The following ANKRD55 variants were observed in gnomAD, a reference collection of about 807,000 sequenced individuals.
The protein encoded by ANKRD55 is ankyrin repeat domain-containing protein 55.
A neutral mutation model predicts 60.6 loss-of-function variants in ANKRD55; 41 were observed. That is an observed-to-expected ratio of 0.68 (90% confidence interval 0.53 to 0.88). The LOEUF (loss-of-function observed/expected upper bound fraction) is 0.88. Ranked by LOEUF, ANKRD55 falls within the 40% of genes least tolerant of loss-of-function variation. The pLI is 0.00. For synonymous variants in ANKRD55, 264 were observed against 290.3 expected (o/e 0.91, Z 0.92); for missense variants, 732 against 767.6 (o/e 0.95, Z 0.55).
intron 7 of ANKRD55, among the ~76,000 whole-genome samples, chr5:56,137,925 C>A (rs1757652211): frequency 1.3e-5 from 2 of 152,064 alleles, no homozygotes. Context: ...TGAAAAGATG[C>A]ACCACATCAT....
At position 56,192,787 on chromosome 5, in the gene ANKRD55, T is replaced by C. The variant is rs1174813163; in HGVS notation, c.59-9153A>G. ...GTAAAGATGAGAACACAGACATCGC[T>C]GAAAACCTCTATTAGCAAGTTAAAA... On this transcript the variant is annotated intron_variant, in intron 2 of 11. Coordinates refer to ENST00000341048, the MANE Select transcript of ANKRD55 (RefSeq NM_024669.3). The C allele has an allele frequency of 3.9e-5, 37 of 960,130 alleles. No homozygotes were observed. In the Middle Eastern group the frequency reaches 9.3e-4, roughly 24 times the overall value. The allele number at this position is 960,130 out of a possible 1,614,324, so 59.5% of individuals were successfully genotyped here.
chr5:56,166,219 T>C lies in ANKRD55; in HGVS notation c.422+4475A>G, dbSNP rs150143063. On this transcript the variant is annotated intron_variant, in intron 5 of 11. Transcript: ENST00000341048. ...CTTCCTTCTCTCTCTCTCTCTCTCT[T>C]TCTTTCTTTCTTTCTCTCTATCTTT... Among the ~76,000 whole-genome samples the C allele has an allele frequency of 4.6e-3, 504 of 109,546 alleles. 5 individuals carry two copies. The highest frequency in any genetic ancestry group is 0.022 in the South Asian group (78 of 3,546). The allele number at this position is 109,546 out of a possible 152,430, so 71.9% of individuals were successfully genotyped here.
chr5:56,158,841 G>A (rs917181538), intron 6 of ANKRD55, among the ~76,000 whole-genome samples: 4 of 151,946 alleles, frequency 2.6e-5, no homozygotes, highest in East Asian at 1.9e-4. Flanking sequence ...CTATAGGCAT[G>A]TGCCACCACA....
chr5:56,126,726 G>T (rs761088374), intron 8 of ANKRD55, among the ~76,000 whole-genome samples, 196 bp downstream of exon 8: 1 of 152,112 alleles, frequency 6.6e-6, no homozygotes, highest in Non-Finnish European at 1.5e-5. Flanking sequence ...CTGTACAGTC[G>T]CAGTCTTCCT....
At chr5:56,103,775 G>C (rs1264170725) in intron 10 of ANKRD55, among the ~76,000 whole-genome samples, 1 of 152,176 alleles carries the variant, frequency 6.6e-6, no homozygotes, top group Non-Finnish European at 1.5e-5. Flanking sequence ...GAAAGAACCA[G>C]AATTGCTATA....
At chr5:56,228,053 C>T (rs1372612976) in intron 2 of ANKRD55, among the ~76,000 whole-genome samples, 1 of 152,184 alleles carries the variant, frequency 6.6e-6, no homozygotes, top group Admixed American at 6.5e-5. Flanking sequence ...GATCTGACCT[C>T]TTCTCACTCC....
intron 6 of ANKRD55, among the ~76,000 whole-genome samples, chr5:56,151,337 T>C (rs923449305): frequency 1.3e-5 from 2 of 152,198 alleles, no homozygotes; most frequent in Non-Finnish European, 2.9e-5. Flanking sequence ...TCTAATACCA[T>C]GAAAATCTTA....
chr5:56,166,158 T>TTTCTTTCTTTCTTTCTTCCTTCC lies in ANKRD55; in HGVS notation c.422+4535_422+4536insGGAAGGAAGAAAGAAAGAAAGAA, dbSNP rs1554040812. Among the ~76,000 whole-genome samples, 347 of 72,458 alleles carry TTTCTTTCTTTCTTTCTTCCTTCC rather than the reference T, an allele frequency of 4.8e-3. 27 individuals carry two copies. Among genetic ancestry groups the TTTCTTTCTTTCTTTCTTCCTTCC allele is most frequent in the Middle Eastern group, 0.011 (2 of 174 alleles). The allele number at this position is 72,458 out of a possible 152,430, so 47.5% of individuals were successfully genotyped here. On this transcript the variant is annotated intron_variant, in intron 5 of 11. Coordinates refer to ENST00000341048, the MANE Select transcript of ANKRD55 (RefSeq NM_024669.3). ...TCTTTCTTTCTTTCTTTCTTTCTTC[T>TTTCTTTCTTTCTTTCTTCCTTCC]TTCCTTCCTTCCTTCCTTCCTTCCT...
At chr5:56,212,449 A>C (rs1386176109) in intron 2 of ANKRD55, among the ~76,000 whole-genome samples, 1 of 152,250 alleles carries the variant, frequency 6.6e-6, no homozygotes. Context: ...TAACAAATGC[A>C]GTAAGATATG....
chr5:56,192,929 G>T, intron 2 of ANKRD55: 1 of 631,308 alleles, frequency 1.6e-6, no homozygotes. Context: ...AGAAAATAAA[G>T]ACTTCCGTGC....
At chr5:56,161,745 A>G (rs915758107) in intron 5 of ANKRD55, among the ~76,000 whole-genome samples, 9 of 152,188 alleles carry the variant, frequency 5.9e-5, no homozygotes, top group African/African-American at 2.2e-4. Flanking sequence ...GCAGTGGTGT[A>G]AAGGATTGAG....
At chr5:56,220,700 C>G (rs1287670300) in intron 2 of ANKRD55, among the ~76,000 whole-genome samples, 1 of 152,108 alleles carries the variant, frequency 6.6e-6, no homozygotes, top group African/African-American at 2.4e-5. Flanking sequence ...GTAATCCCAG[C>G]TACTTAGGAG....
At chr5:56,224,469 G>C (rs1356792343) in intron 2 of ANKRD55, among the ~76,000 whole-genome samples, 1 of 152,034 alleles carries the variant, frequency 6.6e-6, no homozygotes, top group East Asian at 1.9e-4. Context: ...CTAGCAGAAG[G>C]CAAGAAATAC....
intron 2 of ANKRD55, among the ~76,000 whole-genome samples, chr5:56,211,407 C>T (rs1759671399): frequency 6.6e-6 from 1 of 152,166 alleles, no homozygotes; most frequent in Non-Finnish European, 1.5e-5. Flanking sequence ...TTTTGATTCT[C>T]ACTGTATGAG....
At chr5:56,137,198 G>A in intron 7 of ANKRD55, 1 of 1,610,104 alleles carries the variant, frequency 6.2e-7, no homozygotes, top group South Asian at 1.1e-5. Context: ...CCCAGGCCAA[G>A]CAGTGGGGCT....
intron 6 of ANKRD55, among the ~76,000 whole-genome samples, chr5:56,149,576 G>T (rs1757991092): frequency 6.6e-6 from 1 of 152,158 alleles, no homozygotes; most frequent in African/African-American, 2.4e-5. Flanking sequence ...GCACTAAACT[G>T]TGAACTCCAT....
intron 2 of ANKRD55, among the ~76,000 whole-genome samples, chr5:56,188,287 C>G (rs2111839025): frequency 6.6e-6 from 1 of 152,124 alleles, no homozygotes; most frequent in Admixed American, 6.5e-5. Flanking sequence ...TGGAAGCCAC[C>G]TGGTGACATC....
At chr5:56,227,884 T>C (rs1197107128) in intron 2 of ANKRD55, among the ~76,000 whole-genome samples, 1 of 152,184 alleles carries the variant, frequency 6.6e-6, no homozygotes, top group African/African-American at 2.4e-5. Context: ...TCCATAAACA[T>C]TCGCTCTTGT....
intron 2 of ANKRD55, among the ~76,000 whole-genome samples, chr5:56,212,113 T>G: frequency 6.6e-6 from 1 of 150,428 alleles, no homozygotes; most frequent in Non-Finnish European, 1.5e-5. Context: ...CCAATTCGGT[T>G]TGTGAATACA....
Sources: allele counts gnomAD v4.1 joint callset (sites outside exome capture counted in the v4.1 genomes callset), GRCh38; gene constraint gnomAD v4.1.1; transcripts MANE v1.5; gene names NCBI Gene and HGNC (gene_info 2026-07-23, HGNC 2026-07-21).